CPS1: variants seen among roughly 807,000 people sequenced by gnomAD.
The protein encoded by CPS1 is carbamoyl-phosphate synthase 1.
In CPS1, 109 loss-of-function variants were observed where a neutral mutation model predicts 174.6. The observed-to-expected ratio is 0.62, with a 90% CI of 0.53 to 0.73. The LOEUF (loss-of-function observed/expected upper bound fraction) is 0.73. Ranked by LOEUF, CPS1 falls within the 30% of genes least tolerant of loss-of-function variation. CPS1 has a pLI of 0.00. For synonymous variants in CPS1, 637 were observed against 632.0 expected, an observed-to-expected ratio of 1.01 and a Z score of -0.12; for missense variants, 1,689 against 1,821.9, an observed-to-expected ratio of 0.93 and a Z score of 1.33.
chr2:210,550,465 A>G (rs1472008291), intron 1 of CPS1, among the ~76,000 whole-genome samples: 1 of 152,032 alleles, frequency 6.6e-6, no homozygotes, highest in African/African-American at 2.4e-5. Flanking sequence ...TGAACAAGCT[A>G]CTTAATTCTC....
At chr2:210,513,999 G>A (rs1047157761) in intron 1 of CPS1, among the ~76,000 whole-genome samples, 3 of 151,090 alleles carry the variant, frequency 2.0e-5, no homozygotes, top group African/African-American at 4.8e-5. Flanking sequence ...ATGGCTGTAC[G>A]TGGCACTGTT....
intron 1 of CPS1, among the ~76,000 whole-genome samples, chr2:210,510,057 C>A (rs985016365): frequency 1.3e-5 from 2 of 152,042 alleles, no homozygotes; most frequent in African/African-American, 4.8e-5. Flanking sequence ...AAAAAAGAGC[C>A]CGCATCGCCA....
At chr2:210,551,739 C>T (rs372377162), upstream of CPS1, among the ~76,000 whole-genome samples, 28 of 151,956 alleles carry the variant, frequency 1.8e-4, no homozygotes, top group South Asian at 4.8e-3. Flanking sequence ...TAATTTGATC[C>T]TCACTTTCTA....
intron 9 of CPS1, 102 bp from the exon 10 acceptor site, chr2:210,591,729 A>T: frequency 7.6e-7 from 1 of 1,324,082 alleles, no homozygotes; most frequent in Non-Finnish European, 1.1e-6. Context: ...TGAAATTTTG[A>T]ATTTTAATAG....
intron 29 of CPS1, among the ~76,000 whole-genome samples, chr2:210,655,721 G>A (rs1700682743): frequency 6.6e-6 from 1 of 152,130 alleles, no homozygotes; most frequent in Non-Finnish European, 1.5e-5. Flanking sequence ...CTTTGCCCAG[G>A]TCACAGAACA....
intron 6 of CPS1, among the ~76,000 whole-genome samples, chr2:210,586,973 A>G (rs1698132082): frequency 6.6e-6 from 1 of 152,070 alleles, no homozygotes; most frequent in Non-Finnish European, 1.5e-5. Flanking sequence ...GCCTAAGGTT[A>G]AGAAAAGATC....
chr2:210,639,282 A>G lies in CPS1; in HGVS notation c.2895+67A>G, dbSNP rs111580877. ...TCATAGACAGTTCACATTAGGGAAT[A>G]TATATTTTTTACCTCTTTGGATATC... On this transcript the variant is annotated intron_variant, in intron 23 of 37. Coordinates refer to ENST00000233072, the MANE Select transcript of CPS1 (RefSeq NM_001875.5). 1.5e-4 allele frequency: 186 copies of G among 1,262,604 alleles called. No individual in the cohort carries two copies. The African/African-American group carries it at 2.3e-3, about 15-fold the overall frequency. The allele number at this position is 1,262,604 out of a possible 1,614,324, so 78.2% of individuals were successfully genotyped here. A position where few individuals can be genotyped will look rare whatever the true frequency, so the allele number is the denominator to read the frequency against.
intron 1 of CPS1, among the ~76,000 whole-genome samples, chr2:210,565,035 A>T (rs191376614): frequency 1.0e-3 from 157 of 150,734 alleles, no homozygotes; most frequent in Non-Finnish European, 2.2e-3. Flanking sequence ...AATAAATAAA[A>T]AATAAAAGTA....
At chr2:210,511,903 C>T (rs1471649240) in intron 1 of CPS1, among the ~76,000 whole-genome samples, 6 of 152,092 alleles carry the variant, frequency 3.9e-5, no homozygotes, top group Admixed American at 2.6e-4. Flanking sequence ...TTCACATCAA[C>T]ATCATTCTCT....
chr2:210,564,566 C>A (rs1243556241), intron 1 of CPS1, among the ~76,000 whole-genome samples: 1 of 151,910 alleles, frequency 6.6e-6, no homozygotes, highest in Non-Finnish European at 1.5e-5. Context: ...TTAGTAGAGA[C>A]GGGGTTTCAC....
In CPS1 at chr2:210,637,858, C is replaced by T. The variant is rs1221484568; in HGVS notation, c.2829+15C>T. The T allele has an allele frequency of 6.2e-7, 1 of 1,613,618 alleles. No homozygotes were observed. Among genetic ancestry groups the T allele is most frequent in the African/African-American group, 1.3e-5 (1 of 75,002 alleles). On this transcript the variant is annotated intron_variant, in intron 22 of 37. Transcript: ENST00000233072. ...GGGTTAAACAGGTAAAGGAGTTTCC[C>T]TTTTCCCCCATCCCCCACTGACAGG...
In CPS1 at chr2:210,605,132, G is replaced by C; in HGVS notation, c.1867G>C (p.Glu623Gln). 1 of 1,612,044 alleles carries C rather than the reference G, an allele frequency of 6.2e-7. No individual in the cohort carries two copies. The highest frequency in any genetic ancestry group is 8.5e-7 in the Non-Finnish European group (1 of 1,178,726). ...TGCTATGACCAACCAAATTCTGGTG[G>C]AGAAGTCAGTGACAGGTTGGAAAGA... The part of the protein sequence containing the change: ...AFAMTNQILV[E>Q]KSVTGWKEIE... Residue 623 changes from glutamate (E) to glutamine (Q), a missense_variant, in exon 17 of 38, where the codon GAG becomes CAG. Physicochemically the swap from Glu to Gln is conservative, Grantham distance 29. Coordinates refer to ENST00000233072, the MANE Select transcript of CPS1 (RefSeq NM_001875.5).
chr2:210,621,072 C>G (rs76320944), intron 21 of CPS1, among the ~76,000 whole-genome samples: 1 of 152,190 alleles, frequency 6.6e-6, no homozygotes, highest in Admixed American at 6.5e-5. Flanking sequence ...AGATCTCTTT[C>G]CTGTTTACGC....
chr2:210,552,526 G>A (rs953670333), upstream of CPS1, among the ~76,000 whole-genome samples: 11 of 151,992 alleles, frequency 7.2e-5, no homozygotes, highest in Admixed American at 6.6e-4. Flanking sequence ...AACATTTCAA[G>A]AGGGCAGTTG....
At chr2:210,591,712 A>G in intron 9 of CPS1, 119 bp from the exon 10 acceptor site, 2 of 1,055,940 alleles carry the variant, frequency 1.9e-6, no homozygotes, top group Non-Finnish European at 2.8e-6. Flanking sequence ...GATTTTCACT[A>G]AGCAATTGAA....
intron 1 of CPS1, among the ~76,000 whole-genome samples, chr2:210,569,174 C>T (rs997200334): frequency 6.6e-6 from 1 of 151,952 alleles, no homozygotes; most frequent in African/African-American, 2.4e-5. Context: ...GCATGAAGTT[C>T]ACTTTCTAAT....
intron 1 of CPS1, among the ~76,000 whole-genome samples, chr2:210,483,607 T>C (rs1694634675): frequency 6.6e-6 from 1 of 152,170 alleles, no homozygotes. Context: ...AGGGCTCTTT[T>C]ATGCTGCCTT....
intron 21 of CPS1, among the ~76,000 whole-genome samples, chr2:210,637,183 A>G (rs758227847): frequency 6.6e-6 from 1 of 152,152 alleles, no homozygotes. Flanking sequence ...AGACAAAAGC[A>G]GGTAACAAAG....
At chr2:210,538,529 T>C (rs1240889419) in intron 1 of CPS1, among the ~76,000 whole-genome samples, 3 of 152,250 alleles carry the variant, frequency 2.0e-5, no homozygotes. Context: ...TTATCTTGTC[T>C]ACAATAGCAA....
Sources: allele counts gnomAD v4.1 joint callset (sites outside exome capture counted in the v4.1 genomes callset), GRCh38; gene constraint gnomAD v4.1.1; transcripts MANE v1.5; gene names NCBI Gene and HGNC (gene_info 2026-07-23, HGNC 2026-07-21).